The following AFF3 variants were observed in gnomAD, a reference collection of about 807,000 sequenced individuals.
AFF3 encodes AF4/FMR2 family member 3.
AFF3 carries 32 observed loss-of-function variants against 129.7 expected under a neutral mutation model. The ratio of observed to expected loss-of-function variants is 0.25; its 90% CI spans 0.19 to 0.33. The LOEUF (loss-of-function observed/expected upper bound fraction) is 0.33, where lower values mean the gene tolerates loss of function less well. AFF3 is among the 10% of genes least tolerant of loss of function. The probability of loss-of-function intolerance (pLI) is 1.00; values close to 1 mark genes in which losing one functional copy is unlikely to be tolerated. For missense variants in AFF3, 1,373 were observed against 1,592.0 expected (o/e 0.86, Z 2.34); for synonymous variants, 644 against 635.4 (o/e 1.01, Z -0.20).
chr2:100,124,822 G>A (rs995265999), intron 2 of AFF3, among the ~76,000 whole-genome samples: 2 of 152,144 alleles, frequency 1.3e-5, no homozygotes, highest in African/African-American at 4.8e-5. Context: ...TGTATAATAA[G>A]GTCATAATTC....
intron 7 of AFF3, among the ~76,000 whole-genome samples, chr2:99,955,827 A>G (rs1382176313): frequency 1.3e-5 from 2 of 152,322 alleles, no homozygotes; most frequent in East Asian, 3.9e-4. Flanking sequence ...AAAGGGTACA[A>G]AAATCTCTCC....
At chr2:100,044,233 C>A (rs1309481772) in intron 4 of AFF3, among the ~76,000 whole-genome samples, 1 of 152,246 alleles carries the variant, frequency 6.6e-6, no homozygotes, top group Non-Finnish European at 1.5e-5. Context: ...CTCCATTCTA[C>A]CCTCTCAGCA....
intron 8 of AFF3, among the ~76,000 whole-genome samples, chr2:99,832,406 CTT>C (rs1338317535): frequency 3.3e-5 from 5 of 152,204 alleles, no homozygotes; most frequent in Non-Finnish European, 7.3e-5. Context: ...AAGGTGGTCT[CTT>C]GTCCCACCTC....
chr2:99,872,644 TAAAA>T (rs1691966688), intron 7 of AFF3, among the ~76,000 whole-genome samples: 4 of 151,514 alleles, frequency 2.6e-5, no homozygotes, highest in Non-Finnish European at 5.9e-5. Flanking sequence ...TAAAATAAAA[TAAAA>T]TTTATCGGTC....
intron 4 of AFF3, among the ~76,000 whole-genome samples, chr2:100,054,785 T>C (rs1407564956): frequency 2.0e-5 from 3 of 152,202 alleles, no homozygotes; most frequent in Non-Finnish European, 4.4e-5. Context: ...CAAATGGCCA[T>C]CTGATCCACT....
At chr2:99,836,512 A>G (rs1409319347) in intron 8 of AFF3, among the ~76,000 whole-genome samples, 1 of 152,168 alleles carries the variant, frequency 6.6e-6, no homozygotes, top group East Asian at 1.9e-4. Flanking sequence ...TCACATCTCA[A>G]TTAGTTATTC....
At chr2:100,123,580 G>A (rs75305895) in intron 2 of AFF3, among the ~76,000 whole-genome samples, 4,098 of 152,172 alleles carry the variant, frequency 0.027, 169 homozygotes, top group African/African-American at 0.093. Context: ...CTGTGCTTCC[G>A]TTTTGTATTT....
At chr2:99,837,401 A>T in intron 8 of AFF3, 76 bp downstream of exon 8, 2 of 1,414,504 alleles carry the variant, frequency 1.4e-6, no homozygotes, top group Non-Finnish European at 2.0e-6. Context: ...CTCCTTTATC[A>T]TGGAGCCGCA....
chr2:99,606,455 C>T (rs1300803841), intron 13 of AFF3, among the ~76,000 whole-genome samples: 4 of 152,106 alleles, frequency 2.6e-5, no homozygotes, highest in African/African-American at 9.7e-5. Flanking sequence ...GTCTTTGTGT[C>T]ACCAAAGCTC....
intron 10 of AFF3, among the ~76,000 whole-genome samples, chr2:99,735,833 T>C (rs1680209271): frequency 6.6e-6 from 1 of 152,230 alleles, no homozygotes; most frequent in African/African-American, 2.4e-5. Context: ...CAACTTTCCC[T>C]CTAATTTAGT....
In AFF3 at chr2:99,601,540, G is replaced by C. The variant is rs773954887; in HGVS notation, c.1266C>G (p.Ser422Arg). 1 of 1,600,412 alleles carries C rather than the reference G, an allele frequency of 6.2e-7. No individual in the cohort carries two copies. The highest frequency in any genetic ancestry group is 8.5e-7 in the Non-Finnish European group (1 of 1,175,368). The change falls in exon 14 of 25, where the codon AGC becomes AGG. Residue 422 changes from serine to arginine, a missense_variant. Ser to Arg is a moderately radical substitution (Grantham distance 110). Coordinates refer to ENST00000672756, the MANE Select transcript of AFF3 (RefSeq NM_001386135.1). ...TGCTCTCTGAGTCGCTGGAGGAGCT[G>C]CTGCTGCCGCTGCTGCTGCTGCTGC... ...GSSSSSSSGSSSSSSDSESSS... is the reference protein window; with the variant it reads ...GSSSSSSSGSRSSSSDSESSS...
intron 13 of AFF3, among the ~76,000 whole-genome samples, chr2:99,642,895 C>G (rs981530916): frequency 3.9e-5 from 6 of 152,046 alleles, no homozygotes; most frequent in Non-Finnish European, 2.9e-5. Flanking sequence ...TAAAATGAGA[C>G]AGTAAATGTG....
At chr2:100,095,869 G>T (rs1031259342) in intron 4 of AFF3, among the ~76,000 whole-genome samples, 2 of 152,174 alleles carry the variant, frequency 1.3e-5, no homozygotes, top group African/African-American at 4.8e-5. Flanking sequence ...CCACCTAATG[G>T]ACTCAGGGTA....
chr2:99,957,818 G>GC (rs1192676875), intron 7 of AFF3, among the ~76,000 whole-genome samples: 2 of 152,198 alleles, frequency 1.3e-5, no homozygotes, highest in African/African-American at 2.4e-5. Flanking sequence ...AGGCAGAGGA[G>GC]CAGGGGGTCT....
intron 8 of AFF3, among the ~76,000 whole-genome samples, chr2:99,757,283 A>T (rs1217414743): frequency 1.3e-5 from 2 of 152,154 alleles, no homozygotes; most frequent in Non-Finnish European, 2.9e-5. Flanking sequence ...GGTGCTCATG[A>T]GCGATTCAAA....
chr2:99,882,346 T>C (rs1248311632), intron 7 of AFF3, among the ~76,000 whole-genome samples: 1 of 152,200 alleles, frequency 6.6e-6, no homozygotes, highest in Non-Finnish European at 1.5e-5. Context: ...CTAAAGACAC[T>C]ATATTTTTAT....
At chr2:100,073,722 G>T (rs1171990655) in intron 4 of AFF3, among the ~76,000 whole-genome samples, 1 of 152,146 alleles carries the variant, frequency 6.6e-6, no homozygotes, top group East Asian at 1.9e-4. Context: ...AAGAACAATT[G>T]TCGTTGTCTA....
intron 4 of AFF3, among the ~76,000 whole-genome samples, chr2:100,099,763 G>A (rs896186776): frequency 2.0e-5 from 3 of 152,152 alleles, no homozygotes; most frequent in Non-Finnish European, 4.4e-5. Flanking sequence ...TTCCTAAACT[G>A]CAGGTTTCAG....
At chr2:99,618,224 CTTTTTTTTTTTTTTT>C (rs70940180) in intron 13 of AFF3, among the ~76,000 whole-genome samples, 163 of 80,070 alleles carry the variant, frequency 2.0e-3, no homozygotes, top group Middle Eastern at 6.9e-3. Context: ...TCATAACATT[CTTTTTTTTTTTTTTT>C]TTTTTTTTTT....
Sources: allele counts gnomAD v4.1 joint callset (sites outside exome capture counted in the v4.1 genomes callset), GRCh38; gene constraint gnomAD v4.1.1; transcripts MANE v1.5; gene names NCBI Gene and HGNC (gene_info 2026-07-23, HGNC 2026-07-21).